Variants in DTD1 observed in about 807,000 individuals in gnomAD.
DTD1 encodes D-aminoacyl-tRNA deacylase 1, also known as D-tyrosyl-tRNA deacylase 1 homolog.
DTD1 carries 13 observed loss-of-function variants against 25.6 expected under a neutral mutation model. That is an observed-to-expected ratio of 0.51 (90% CI 0.33 to 0.81). The LOEUF (loss-of-function observed/expected upper bound fraction) is 0.81, where lower values mean the gene tolerates loss of function less well. DTD1 is among the 30% of genes least tolerant of loss of function. The probability of loss-of-function intolerance (pLI) is 0.02; values close to 1 mark genes in which losing one functional copy is unlikely to be tolerated. For missense variants in DTD1, 193 were observed against 266.4 expected, an observed-to-expected ratio of 0.72 and a Z score of 1.92; for synonymous variants, 110 against 103.6, an observed-to-expected ratio of 1.06 and a Z score of -0.37.
intron 2 of DTD1, among the ~76,000 whole-genome samples, chr20:18,594,345 A>T (rs1316953780): frequency 6.6e-6 from 1 of 152,134 alleles, no homozygotes. Context: ...GGGGTTGAGG[A>T]GCAGGGGTTG....
intron 4 of DTD1, among the ~76,000 whole-genome samples, chr20:18,649,326 CTTTTTTTTTTTTTTTTTTT>C (rs55766733): frequency 1.7e-5 from 1 of 57,628 alleles, no homozygotes; most frequent in Admixed American, 2.6e-4. Flanking sequence ...ATTCATCTTT[CTTTTTTTTTTTTTTTTTTT>C]TTTTTTTTTT....
chr20:18,762,953 A>G (rs901806789), intron 5 of DTD1, among the ~76,000 whole-genome samples: 4 of 152,154 alleles, frequency 2.6e-5, no homozygotes, highest in Non-Finnish European at 4.4e-5. Flanking sequence ...CTTTTGTAAT[A>G]TAAGCATTTA....
chr20:18,675,840 GTATA>G (rs2060969770), intron 4 of DTD1, among the ~76,000 whole-genome samples: 1 of 136,900 alleles, frequency 7.3e-6, no homozygotes, highest in Non-Finnish European at 1.6e-5. Flanking sequence ...ATACCTATGT[GTATA>G]TTTACACATA....
At chr20:18,669,166 A>G (rs148426619) in intron 4 of DTD1, among the ~76,000 whole-genome samples, 52 of 152,268 alleles carry the variant, frequency 3.4e-4, no homozygotes, top group African/African-American at 1.3e-3. Context: ...ACCAGGGGGT[A>G]GTGAGGTGAG....
At chr20:18,676,835 C>T (rs940122008) in intron 4 of DTD1, among the ~76,000 whole-genome samples, 6 of 152,150 alleles carry the variant, frequency 3.9e-5, no homozygotes, top group African/African-American at 1.4e-4. Context: ...GTGTTTCACA[C>T]TTGTGCATGC....
chr20:18,611,253 T>C (rs1449844332), intron 3 of DTD1: 1 of 152,236 alleles, frequency 6.6e-6, no homozygotes, highest in Non-Finnish European at 1.5e-5. Flanking sequence ...TGTCACATTT[T>C]CTTTTGGCCT....
chr20:18,702,569 A>G (rs970466405), intron 4 of DTD1, among the ~76,000 whole-genome samples: 2 of 152,140 alleles, frequency 1.3e-5, no homozygotes, highest in Non-Finnish European at 2.9e-5. Context: ...CTCCTCAGTA[A>G]TATCAGGTGT....
intron 4 of DTD1, among the ~76,000 whole-genome samples, chr20:18,702,974 T>G (rs2061112080): frequency 6.6e-6 from 1 of 152,158 alleles, no homozygotes; most frequent in Non-Finnish European, 1.5e-5. Flanking sequence ...CCTTTCACTG[T>G]CCTGCTGGGT....
chr20:18,638,304 CA>C (rs2060816091), intron 4 of DTD1, among the ~76,000 whole-genome samples: 1 of 152,108 alleles, frequency 6.6e-6, no homozygotes, highest in South Asian at 2.1e-4. Context: ...GCTGGCCCTG[CA>C]TGTAGGTCCA....
intron 3 of DTD1, among the ~76,000 whole-genome samples, chr20:18,616,232 C>G (rs1384001779): frequency 6.6e-6 from 1 of 152,088 alleles, no homozygotes; most frequent in African/African-American, 2.4e-5. Context: ...CTCATTCTTT[C>G]CTTTTCTTTC....
chr20:18,746,559 G>T (rs2061301511), intron 5 of DTD1, among the ~76,000 whole-genome samples: 1 of 152,090 alleles, frequency 6.6e-6, no homozygotes, highest in South Asian at 2.1e-4. Flanking sequence ...GCTGAGCATG[G>T]TGGTGCTTGC....
chr20:18,592,310 C>G (rs999075760), intron 1 of DTD1: 2 of 152,120 alleles, frequency 1.3e-5, no homozygotes, highest in African/African-American at 4.8e-5. Context: ...TTCAAAAGCA[C>G]CACTTGAAAT....
chr20:18,689,089 T>G (rs967529271), intron 4 of DTD1, among the ~76,000 whole-genome samples: 4 of 152,218 alleles, frequency 2.6e-5, no homozygotes, highest in Admixed American at 6.5e-5. Context: ...TGGACCGTAA[T>G]AGAGAGCTGA....
chr20:18,756,888 C>G (rs546261879), intron 5 of DTD1, among the ~76,000 whole-genome samples: 2 of 151,294 alleles, frequency 1.3e-5, no homozygotes, highest in South Asian at 4.2e-4. Context: ...AATATTGATT[C>G]TTCCTACCCA....
chr20:18,652,378 C>A (rs2060877692), intron 4 of DTD1, among the ~76,000 whole-genome samples: 1 of 152,160 alleles, frequency 6.6e-6, no homozygotes, highest in African/African-American at 2.4e-5. Context: ...AGAGTAACTC[C>A]TAGGATTAAA....
intron 3 of DTD1, among the ~76,000 whole-genome samples, chr20:18,608,703 G>A (rs375437179): frequency 1.3e-5 from 2 of 152,290 alleles, no homozygotes; most frequent in African/African-American, 2.4e-5. Flanking sequence ...CCCAATGGCC[G>A]TGTATAGGCC....
intron 5 of DTD1, among the ~76,000 whole-genome samples, chr20:18,753,189 C>T (rs2061327022): frequency 2.0e-5 from 3 of 152,170 alleles, no homozygotes; most frequent in Non-Finnish European, 4.4e-5. Context: ...ATTTCAAGTG[C>T]TCACTAGCTA....
At chr20:18,711,643 T>C (rs1186512082) in intron 4 of DTD1, among the ~76,000 whole-genome samples, 3 of 152,168 alleles carry the variant, frequency 2.0e-5, no homozygotes, top group African/African-American at 4.8e-5. Context: ...GGTTTTTTTC[T>C]CGTGAGCTGT....
chr20:18,699,216 A>G (rs1258036558), intron 4 of DTD1, among the ~76,000 whole-genome samples: 1 of 152,198 alleles, frequency 6.6e-6, no homozygotes, highest in Non-Finnish European at 1.5e-5. Context: ...CTCCAAAACC[A>G]CAGGTAGGCC....
Sources: gnomAD v4.1 joint callset for allele counts (sites outside exome capture counted in the v4.1 genomes callset) on GRCh38, gnomAD v4.1.1 for gene constraint, MANE v1.5 for transcripts, NCBI Gene and HGNC (gene_info 2026-07-23, HGNC 2026-07-21) for gene names.